ANKRD44: variants seen among roughly 807,000 people sequenced by gnomAD.
ANKRD44 encodes ankyrin repeat domain 44, also known as serine/threonine-protein phosphatase 6 regulatory ankyrin repeat subunit B.
ANKRD44 carries 35 observed loss-of-function variants against 116.0 expected under a neutral mutation model. The ratio of observed to expected loss-of-function variants is 0.30; its 90% CI spans 0.23 to 0.40. The LOEUF (loss-of-function observed/expected upper bound fraction) is 0.40, where lower values mean the gene tolerates loss of function less well. Ranked by LOEUF, ANKRD44 falls within the 10% of genes least tolerant of loss-of-function variation. The pLI is 1.00. For synonymous variants in ANKRD44, 435 were observed against 461.8 expected (o/e 0.94, Z 0.74); for missense variants, 1,014 against 1,242.6 (o/e 0.82, Z 2.77).
chr2:197,021,609 T>C (rs946236952), intron 17 of ANKRD44, among the ~76,000 whole-genome samples: 1 of 152,246 alleles, frequency 6.6e-6, no homozygotes, highest in Non-Finnish European at 1.5e-5. Flanking sequence ...TTTTGAAAAG[T>C]GTCTGTTCAT....
chr2:197,171,999 C>CTTTTT (rs34135336), intron 2 of ANKRD44, among the ~76,000 whole-genome samples: 1 of 43,734 alleles, frequency 2.3e-5, no homozygotes, highest in African/African-American at 4.5e-5. Flanking sequence ...TATTTTTCTT[C>CTTTTT]TTTTTTTTTT....
intron 17 of ANKRD44, among the ~76,000 whole-genome samples, chr2:197,023,128 G>A (rs2076528474): frequency 6.6e-6 from 1 of 152,192 alleles, no homozygotes; most frequent in African/African-American, 2.4e-5. Flanking sequence ...TGACGATGAA[G>A]CTAGCTCATG....
intron 1 of ANKRD44, among the ~76,000 whole-genome samples, chr2:197,220,264 A>G (rs969074919): frequency 1.3e-5 from 2 of 152,192 alleles, no homozygotes; most frequent in Admixed American, 6.5e-5. Flanking sequence ...CAGGAAAGAA[A>G]TTCCTGTCAT....
rs559696802 is a variant in ANKRD44 at position 197,124,115 on chromosome 2, G to A, written c.550+1266C>T. ...AGTCACTGGCTCCAGTCCTGCAGGT[G>A]CCACGCAGTCATTTCATATGCTTCA... On this transcript the variant is annotated intron_variant, in intron 6 of 27. Transcript: ENST00000282272. 4.6e-5 allele frequency among the ~76,000 whole-genome samples: 7 copies of A among 152,214 alleles called. No individual in the cohort carries two copies. In the South Asian group the frequency reaches 1.5e-3, roughly 32 times the overall value.
intron 1 of ANKRD44, among the ~76,000 whole-genome samples, chr2:197,204,730 C>T (rs1041574011): frequency 1.3e-5 from 2 of 152,114 alleles, no homozygotes; most frequent in African/African-American, 2.4e-5. Context: ...GGATGTAGCC[C>T]GCAGGCTCCA....
At chr2:197,084,672 G>C (rs1418087774) in intron 13 of ANKRD44, among the ~76,000 whole-genome samples, 1 of 152,010 alleles carries the variant, frequency 6.6e-6, no homozygotes, top group Non-Finnish European at 1.5e-5. Flanking sequence ...CCCTACCTAA[G>C]GTCCTTCTAG....
At chr2:197,034,241 TGGCCAAA>T (rs2076766454) in intron 16 of ANKRD44, among the ~76,000 whole-genome samples, 1 of 152,078 alleles carries the variant, frequency 6.6e-6, no homozygotes, top group Non-Finnish European at 1.5e-5. Flanking sequence ...TAAGAATACA[TGGCCAAA>T]GAACCAGCAT....
At chr2:197,005,664 G>A in intron 21 of ANKRD44, 30 bp downstream of exon 21, 1 of 1,608,118 alleles carries the variant, frequency 6.2e-7, no homozygotes, top group South Asian at 1.1e-5. Context: ...AGGAAGTCTA[G>A]TGGAATCAGT....
intron 1 of ANKRD44, among the ~76,000 whole-genome samples, chr2:197,213,153 A>G (rs12993399): frequency 0.4 from 61,057 of 152,040 alleles, 14,899 homozygotes; most frequent in East Asian, 0.66. Flanking sequence ...TACCTCACAC[A>G]TATAGGGGCT....
chr2:197,066,895 G>A (rs1233502897), intron 16 of ANKRD44, among the ~76,000 whole-genome samples: 1 of 152,144 alleles, frequency 6.6e-6, no homozygotes, highest in Non-Finnish European at 1.5e-5. Context: ...TCCCCATCAA[G>A]CTACCAATGA....
intron 21 of ANKRD44, among the ~76,000 whole-genome samples, chr2:196,976,933 A>T (rs372775071): frequency 2.0e-5 from 3 of 152,092 alleles, no homozygotes; most frequent in East Asian, 1.9e-4. Flanking sequence ...TCTAAGGAAT[A>T]GTTTTTCCAC....
At chr2:197,262,014 T>C (rs1033795054) in intron 1 of ANKRD44, among the ~76,000 whole-genome samples, 14 of 152,158 alleles carry the variant, frequency 9.2e-5, no homozygotes, top group Non-Finnish European at 1.8e-4. Flanking sequence ...TAAAAATCTG[T>C]AATGTATGAT....
intron 4 of ANKRD44, among the ~76,000 whole-genome samples, chr2:197,126,352 G>A (rs1574504322): frequency 6.6e-6 from 1 of 152,236 alleles, no homozygotes; most frequent in Non-Finnish European, 1.5e-5. Flanking sequence ...CCATGTGCAA[G>A]TGTGCATACC....
At chr2:197,122,256 T>C (rs947783544) in intron 7 of ANKRD44, among the ~76,000 whole-genome samples, 1 of 152,210 alleles carries the variant, frequency 6.6e-6, no homozygotes, top group African/African-American at 2.4e-5. Context: ...CAGTCTGCCT[T>C]TTCCAGCTCA....
At chr2:196,975,110 A>C (rs547508483) in intron 21 of ANKRD44, among the ~76,000 whole-genome samples, 6 of 152,290 alleles carry the variant, frequency 3.9e-5, no homozygotes, top group Middle Eastern at 3.4e-3. Flanking sequence ...AATTAGTCAA[A>C]TCAGAAATGA....
chr2:197,139,462 T>C (rs750396231), intron 3 of ANKRD44, among the ~76,000 whole-genome samples: 3 of 152,184 alleles, frequency 2.0e-5, no homozygotes, highest in Non-Finnish European at 4.4e-5. Context: ...ATGTTGTTTA[T>C]GGATGCATAG....
chr2:197,172,974 A>G (rs565900063), intron 2 of ANKRD44, among the ~76,000 whole-genome samples: 61 of 152,212 alleles, frequency 4.0e-4, no homozygotes, highest in Non-Finnish European at 7.3e-4. Flanking sequence ...CCAAGGTTAA[A>G]TAGATAATTT....
intron 1 of ANKRD44, among the ~76,000 whole-genome samples, chr2:197,224,569 A>G (rs2081657953): frequency 6.6e-6 from 1 of 152,138 alleles, no homozygotes; most frequent in South Asian, 2.1e-4. Flanking sequence ...CTTTTTGTAT[A>G]TTTAAATTTC....
intron 16 of ANKRD44, among the ~76,000 whole-genome samples, chr2:197,062,657 C>G (rs1271743967): frequency 6.6e-6 from 1 of 152,220 alleles, no homozygotes; most frequent in Admixed American, 6.5e-5. Flanking sequence ...GCAAATGGCA[C>G]ACCAGGAGAT....
Sources: allele counts gnomAD v4.1 joint callset (sites outside exome capture counted in the v4.1 genomes callset), GRCh38; gene constraint gnomAD v4.1.1; transcripts MANE v1.5; gene names NCBI Gene and HGNC (gene_info 2026-07-23, HGNC 2026-07-21).